The following FRS2 variants were observed in gnomAD, a reference collection of about 807,000 sequenced individuals.
FRS2 encodes fibroblast growth factor receptor substrate 2, also known as FGFR signalling adaptor.
FRS2 carries 8 observed loss-of-function variants against 43.9 expected under a neutral mutation model. That is an observed-to-expected ratio of 0.18 (90% CI 0.11 to 0.33). The LOEUF (loss-of-function observed/expected upper bound fraction) is 0.33. FRS2 is among the 10% of genes least tolerant of loss of function. The pLI is 1.00. For missense variants in FRS2, 534 were observed against 627.6 expected (o/e 0.85, Z 1.59); for synonymous variants, 219 against 220.3 (o/e 0.99, Z 0.05).
chr12:69,500,171 T>C (rs1873312034), intron 1 of FRS2, among the ~76,000 whole-genome samples: 1 of 152,168 alleles, frequency 6.6e-6, no homozygotes, highest in African/African-American at 2.4e-5. Context: ...TTTAGATAGA[T>C]GCTGTTACCT....
chr12:69,478,157 C>T (rs1043269375), intron 1 of FRS2, among the ~76,000 whole-genome samples: 7 of 152,060 alleles, frequency 4.6e-5, no homozygotes, highest in African/African-American at 1.7e-4. Context: ...TTAAATACTA[C>T]TAAGAAGCTG....
At chr12:69,559,785 T>C (rs1432245853) in intron 3 of FRS2, among the ~76,000 whole-genome samples, 5 of 151,372 alleles carry the variant, frequency 3.3e-5, no homozygotes, top group African/African-American at 1.2e-4. Flanking sequence ...TACCCAATGG[T>C]TTAAAAAAAA....
chr12:69,506,871 C>A (rs369221177), intron 1 of FRS2, among the ~76,000 whole-genome samples: 147 of 152,250 alleles, frequency 9.7e-4, no homozygotes, highest in South Asian at 3.5e-3. Flanking sequence ...GAGGGCTCTG[C>A]CCTCATGAAT....
At chr12:69,530,758 G>A (rs1183481297) in intron 1 of FRS2, 107 bp from the exon 2 acceptor site, 2 of 152,378 alleles carry the variant, frequency 1.3e-5, no homozygotes, top group Non-Finnish European at 2.9e-5. Context: ...GGAAAAAAGT[G>A]CTTTGAGAGT....
intron 1 of FRS2, among the ~76,000 whole-genome samples, chr12:69,506,077 T>C (rs980387072): frequency 6.6e-6 from 1 of 152,198 alleles, no homozygotes; most frequent in Non-Finnish European, 1.5e-5. Context: ...AGTAAAGTTG[T>C]CTTTGGATGT....
intron 3 of FRS2, among the ~76,000 whole-genome samples, chr12:69,540,165 G>A (rs1208292826): frequency 7.2e-6 from 1 of 139,776 alleles, no homozygotes; most frequent in Non-Finnish European, 1.6e-5. Context: ...AGGCAGAGGA[G>A]TGACATGAAC....
chr12:69,522,668 T>A (rs1403155383), intron 1 of FRS2, among the ~76,000 whole-genome samples: 1 of 152,196 alleles, frequency 6.6e-6, no homozygotes, highest in Non-Finnish European at 1.5e-5. Flanking sequence ...CTTCTCTAGT[T>A]CTTTTAGTTG....
intron 1 of FRS2, among the ~76,000 whole-genome samples, chr12:69,482,578 A>G (rs1040890404): frequency 1.1e-4 from 17 of 152,354 alleles, no homozygotes; most frequent in Non-Finnish European, 2.5e-4. Context: ...TGTTTAATTA[A>G]GACAGATGTG....
intron 3 of FRS2, among the ~76,000 whole-genome samples, chr12:69,533,617 G>A (rs1877010406): frequency 6.6e-6 from 1 of 152,134 alleles, no homozygotes; most frequent in Admixed American, 6.5e-5. Context: ...CCAAAGTGTT[G>A]GGATTACAGG....
At chr12:69,539,827 C>T (rs532421666) in intron 3 of FRS2, among the ~76,000 whole-genome samples, 8 of 152,086 alleles carry the variant, frequency 5.3e-5, no homozygotes, top group Admixed American at 3.3e-4. Context: ...GGGTGGCGGG[C>T]GCCTGTAATC....
chr12:69,522,602 G>A (rs1406831848), intron 1 of FRS2, among the ~76,000 whole-genome samples: 2 of 152,006 alleles, frequency 1.3e-5, no homozygotes, highest in African/African-American at 4.8e-5. Context: ...CTTTGGTTCA[G>A]CTCTGATTTT....
chr12:69,569,980 C>G (rs1183594533), intron 5 of FRS2, among the ~76,000 whole-genome samples: 1 of 152,126 alleles, frequency 6.6e-6, no homozygotes, highest in Non-Finnish European at 1.5e-5. Flanking sequence ...TTATTTTCTG[C>G]GTAAATTTAT....
chr12:69,514,483 C>T (rs1243927375), intron 1 of FRS2, among the ~76,000 whole-genome samples: 1 of 152,188 alleles, frequency 6.6e-6, no homozygotes, highest in African/African-American at 2.4e-5. Flanking sequence ...TTTGGCAAAA[C>T]ATGTATCCTA....
intron 1 of FRS2, among the ~76,000 whole-genome samples, chr12:69,510,276 C>T (rs1202422784): frequency 6.6e-6 from 1 of 152,196 alleles, no homozygotes; most frequent in Non-Finnish European, 1.5e-5. Flanking sequence ...TTCTGTGCAA[C>T]TTCTCTGAGT....
rs776005294 is a variant in FRS2 at position 69,574,796 on chromosome 12, T to C, written c.1368T>C (p.Pro456=). The change falls in exon 9 of 9, where the codon CCT becomes CCC. Residue 456 remains proline (P), a synonymous_variant. Transcript: ENST00000549921. ...ACAACCCTCAGACTCCAAAAACGCC[T>C]ACAACTCCCCTTCCACAAACCCCTA... The part of the protein sequence containing the change: ...DSDNPQTPKT[P]TTPLPQTPTR... The C allele has an allele frequency of 1.8e-5, 29 of 1,614,130 alleles. No individual in the cohort carries two copies. The highest frequency in any genetic ancestry group is 2.5e-5 in the Non-Finnish European group (29 of 1,180,026).
chr12:69,514,527 TC>T (rs750813813), intron 1 of FRS2, among the ~76,000 whole-genome samples: 1 of 152,118 alleles, frequency 6.6e-6, no homozygotes, highest in Non-Finnish European at 1.5e-5. Context: ...TGTTTAACCT[TC>T]TGCAATTATA....
At chr12:69,573,153 A>G (rs114442954) in intron 8 of FRS2, among the ~76,000 whole-genome samples, 2,810 of 152,286 alleles carry the variant, frequency 0.018, 92 homozygotes, top group African/African-American at 0.063. Context: ...TTTTTATATT[A>G]TCTCCCCAAA....
chr12:69,490,105 A>G (rs1375542876), intron 1 of FRS2, among the ~76,000 whole-genome samples: 2 of 152,142 alleles, frequency 1.3e-5, no homozygotes, highest in African/African-American at 4.8e-5. Flanking sequence ...AAATAAATAC[A>G]CTACTCTTTA....
At chr12:69,472,171 C>T (rs1870361947) in intron 1 of FRS2, among the ~76,000 whole-genome samples, 4 of 152,104 alleles carry the variant, frequency 2.6e-5, no homozygotes, top group African/African-American at 7.2e-5. Context: ...ACTGCAGCCT[C>T]CAACTCCTGG....
Sources: allele counts gnomAD v4.1 joint callset (sites outside exome capture counted in the v4.1 genomes callset), GRCh38; gene constraint gnomAD v4.1.1; transcripts MANE v1.5; gene names NCBI Gene and HGNC (gene_info 2026-07-23, HGNC 2026-07-21).